The following GPAT3 variants were observed in gnomAD, a reference collection of about 807,000 sequenced individuals.
GPAT3 encodes the protein 1-AGP acyltransferase 9.
GPAT3 carries 53 observed loss-of-function variants against 58.8 expected under a neutral mutation model. That is an observed-to-expected ratio of 0.90 (90% confidence interval 0.72 to 1.13). The LOEUF is 1.13. GPAT3 is among the 50% of genes most tolerant of loss of function. GPAT3 has a pLI of 0.00. For missense variants in GPAT3, 511 were observed against 527.6 expected (o/e 0.97, Z 0.31); for synonymous variants, 197 against 187.4 (o/e 1.05, Z -0.42).
rs762278687 is a variant in GPAT3, at chr4:83,604,687, G to A, written c.1225G>A (p.Ala409Thr). ...TTGCAGGGATGGAGGACTAAAGAGA[G>A]CAAAGGTGAAGGACATCTTTAAGGA... ...ELPWDGGLKR[A>T]KVKDIFKEEQ... is the part of the protein sequence containing the mutation. Residue 409 changes from alanine to threonine, a missense_variant, in exon 12 of 12, where the codon GCA becomes ACA. Coordinates refer to ENST00000264409, the MANE Select transcript of GPAT3 (RefSeq NM_032717.5). 3 of 1,613,784 alleles carry A rather than the reference G, an allele frequency of 1.9e-6. No homozygotes were observed. The highest frequency in any genetic ancestry group is 1.1e-5 in the South Asian group (1 of 91,064).
chr4:83,596,690 T>G (rs1726853869), intron 7 of GPAT3, among the ~76,000 whole-genome samples, 168 bp from the exon 8 acceptor site: 1 of 152,188 alleles, frequency 6.6e-6, no homozygotes, highest in South Asian at 2.1e-4. Flanking sequence ...CAGATCTTCT[T>G]AAACTTTTTT....
intron 2 of GPAT3, among the ~76,000 whole-genome samples, chr4:83,574,752 G>T (rs1230724546): frequency 7.3e-6 from 1 of 136,980 alleles, no homozygotes; most frequent in Non-Finnish European, 1.5e-5. Flanking sequence ...AAAATAATGA[G>T]ATTGCTTTAA....
chr4:83,580,879 G>A (rs539205327), intron 2 of GPAT3, among the ~76,000 whole-genome samples: 3 of 151,986 alleles, frequency 2.0e-5, no homozygotes, highest in East Asian at 1.9e-4. Context: ...GGCAGATCAC[G>A]AGGTCAGGAG....
Position 83,568,154 on chromosome 4 carries a change from T to C in GPAT3, c.209-13408T>C, listed in dbSNP as rs763119483. Among the ~76,000 whole-genome samples, 13 of 152,268 alleles carry C rather than the reference T, an allele frequency of 8.5e-5. No homozygotes were observed. The South Asian group carries it at 2.1e-3, about 24-fold the overall frequency. On this transcript the variant is annotated intron_variant, in intron 2 of 11. Coordinates refer to ENST00000264409, the MANE Select transcript of GPAT3 (RefSeq NM_032717.5). Reference sequence around the variant, plus strand: ...GGTGCTTAAAGTAAACTTTACCCTGTTTCACATTAAAAAAAAATTGATTGT... The same window carrying C: ...GGTGCTTAAAGTAAACTTTACCCTGCTTCACATTAAAAAAAAATTGATTGT...
intron 11 of GPAT3, among the ~76,000 whole-genome samples, chr4:83,600,736 C>G (rs561544718): frequency 2.0e-5 from 3 of 152,162 alleles, no homozygotes; most frequent in South Asian, 2.1e-4. Context: ...CAACTCCTGA[C>G]CTCAGGTGAT....
intron 2 of GPAT3, among the ~76,000 whole-genome samples, chr4:83,545,022 A>G (rs1000586369): frequency 6.6e-6 from 1 of 152,210 alleles, no homozygotes; most frequent in African/African-American, 2.4e-5. Context: ...CTGAAGGCTA[A>G]TTGGTAATAC....
chr4:83,562,376 T>C (rs1725208305), intron 2 of GPAT3, among the ~76,000 whole-genome samples: 1 of 151,090 alleles, frequency 6.6e-6, no homozygotes, highest in African/African-American at 2.4e-5. Flanking sequence ...GGAAATTCAT[T>C]CCTTAGAGGA....
chr4:83,542,387 G>T (rs1467430770), intron 1 of GPAT3, among the ~76,000 whole-genome samples: 1 of 152,186 alleles, frequency 6.6e-6, no homozygotes, highest in African/African-American at 2.4e-5. Context: ...ATCCGCAAAA[G>T]ATAACAGGAT....
At chr4:83,601,830 T>TA (rs747756708) in intron 11 of GPAT3, among the ~76,000 whole-genome samples, 2 of 152,138 alleles carry the variant, frequency 1.3e-5, no homozygotes, top group Admixed American at 6.5e-5. Flanking sequence ...GCAATAAAGA[T>TA]AAAGATAGCT....
chr4:83,562,721 A>G (rs1725223430), intron 2 of GPAT3, among the ~76,000 whole-genome samples: 1 of 152,184 alleles, frequency 6.6e-6, no homozygotes, highest in African/African-American at 2.4e-5. Context: ...GAAGAGATGA[A>G]TGAACAAGAC....
At chr4:83,564,425 G>A (rs1398425759) in intron 2 of GPAT3, among the ~76,000 whole-genome samples, 2 of 152,128 alleles carry the variant, frequency 1.3e-5, no homozygotes, top group Non-Finnish European at 2.9e-5. Context: ...AATGGTGGGT[G>A]TAGTAGTTCA....
chr4:83,598,105 A>C lies in GPAT3; in HGVS notation c.1051A>C (p.Ser351Arg), dbSNP rs1020441293. 2 of 1,613,688 alleles carry C rather than the reference A, an allele frequency of 1.2e-6. No homozygotes were observed. Among genetic ancestry groups the C allele is most frequent in the Admixed American group, 1.7e-5 (1 of 59,896 alleles). ...GAACAGTAGTAAATACAACATGGTG[A>C]GCTACCTGCTTCGAATGATGACCAG... ...FWNSSKYNMVSYLLRMMTSWA... is the reference protein window; with the variant it reads ...FWNSSKYNMVRYLLRMMTSWA... The change falls in exon 10 of 12, where the codon AGC becomes CGC. Residue 351 changes from serine (S) to arginine (R), a missense_variant. Transcript: ENST00000264409.
At chr4:83,544,625 A>C in intron 2 of GPAT3, 23 bp downstream of exon 2, 2 of 1,610,708 alleles carry the variant, frequency 1.2e-6, no homozygotes, top group Non-Finnish European at 1.7e-6. Flanking sequence ...TTTCATTATG[A>C]TTGTTACCAT....
At chr4:83,539,041 A>G (rs28498282) in intron 1 of GPAT3, among the ~76,000 whole-genome samples, 53,801 of 152,104 alleles carry the variant, frequency 0.35, 10,233 homozygotes, top group Middle Eastern at 0.5. Flanking sequence ...CTGTGATCCC[A>G]TAGTGATTTC....
chr4:83,551,109 C>T (rs79630999), intron 2 of GPAT3, among the ~76,000 whole-genome samples: 349 of 152,296 alleles, frequency 2.3e-3, no homozygotes, highest in Middle Eastern at 6.8e-3. Flanking sequence ...GTACCCAGAG[C>T]CTCAGCATAT....
At chr4:83,580,845 C>A (rs1361923395) in intron 2 of GPAT3, among the ~76,000 whole-genome samples, 2 of 151,906 alleles carry the variant, frequency 1.3e-5, no homozygotes, top group African/African-American at 2.4e-5. Context: ...GCCTGTAATC[C>A]CAGCACTTTG....
chr4:83,603,450 A>AATATAAATG (rs1483372144), intron 11 of GPAT3, among the ~76,000 whole-genome samples: 5 of 152,324 alleles, frequency 3.3e-5, no homozygotes, highest in African/African-American at 1.2e-4. Flanking sequence ...TCTGTTTTGG[A>AATATAAATG]ATATAAATGA....
intron 2 of GPAT3, among the ~76,000 whole-genome samples, chr4:83,546,379 GTT>G (rs373055285): frequency 1.2e-4 from 16 of 136,058 alleles, no homozygotes; most frequent in Admixed American, 1.5e-4. Context: ...CGTGGATTTA[GTT>G]TTTTTTTTTT....
chr4:83,596,601 G>T (rs1438130665), intron 7 of GPAT3, among the ~76,000 whole-genome samples: 1 of 151,944 alleles, frequency 6.6e-6, no homozygotes, highest in African/African-American at 2.4e-5. Flanking sequence ...CAGCCTGGAT[G>T]AAAGAGTGAG....
Sources: gnomAD v4.1 joint callset for allele counts (sites outside exome capture counted in the v4.1 genomes callset) on GRCh38, gnomAD v4.1.1 for gene constraint, MANE v1.5 for transcripts, NCBI Gene and HGNC (gene_info 2026-07-23, HGNC 2026-07-21) for gene names.